DNAH5: variants seen among roughly 807,000 people sequenced by gnomAD.
The protein encoded by DNAH5 is dynein axonemal heavy chain 5, also known as axonemal beta dynein heavy chain 5.
A neutral mutation model predicts 518.2 loss-of-function variants in DNAH5; 372 were observed. The observed-to-expected ratio is 0.72, with a 90% confidence interval of 0.66 to 0.78. DNAH5 has a LOEUF of 0.78. Among genes scored for constraint, DNAH5 ranks in the 30% least tolerant of loss-of-function variants. DNAH5 has a pLI of 0.00. For missense variants in DNAH5, 5,523 were observed against 5,687.0 expected (o/e 0.97, Z 0.93); for synonymous variants, 2,039 against 2,025.9 (o/e 1.01, Z -0.17).
rs186180802 is a variant in DNAH5, at chr5:13,762,774, G to A, written c.10229C>T (p.Thr3410Met). ...AGAAAAGAAGGAAGCCATAGCTTTC[G>A]TCCAGGAACAAAGACCAGCTACATT... ...CGNVAGLCSW[T>M]KAMASFFSIN... Residue 3410 changes from threonine (T) to methionine (M), a missense_variant, in exon 60 of 79, where the codon ACG (threonine) becomes ATG (methionine). Physicochemically the swap from Thr to Met is moderately conservative, Grantham distance 81. Around this residue, in one of 3 missense-constraint regions of DNAH5, gnomAD observed 5,121 missense variants for 5,223.3 expected, o/e 0.98. Transcript: ENST00000265104. The A allele has an allele frequency of 7.0e-5, 113 of 1,614,112 alleles. No homozygotes were observed. Among genetic ancestry groups the A allele is most frequent in the South Asian group, 1.3e-4 (12 of 91,080 alleles).
At chr5:13,779,992 G>A (rs535506001) in intron 53 of DNAH5, among the ~76,000 whole-genome samples, 1 of 152,174 alleles carries the variant, frequency 6.6e-6, no homozygotes, top group Admixed American at 6.5e-5. Context: ...TATTGCTCTG[G>A]GATGAAGTCT....
intron 60 of DNAH5, 40 bp from the exon 61 acceptor site, chr5:13,759,023 AC>A (rs1472224600): frequency 2.5e-6 from 4 of 1,613,004 alleles, no homozygotes; most frequent in Admixed American, 1.7e-5. Flanking sequence ...TGGGCAGCCA[AC>A]CTCAAAACAT....
intron 73 of DNAH5, 148 bp from the exon 74 acceptor site, chr5:13,716,838 T>TA (rs1744350379): frequency 1.4e-6 from 1 of 705,176 alleles, no homozygotes; most frequent in African/African-American, 1.8e-5. Context: ...GAAAGAAAAG[T>TA]AAAAAGGTAA....
rs752204434 is a variant in DNAH5 at position 13,876,660 on chromosome 5, G to A, written c.3396+24C>T. 108 of 1,609,940 alleles carry A rather than the reference G, an allele frequency of 6.7e-5. 5 individuals are homozygous for A. The South Asian group carries it at 7.1e-4, about 11-fold the overall frequency. Reference sequence around the variant, plus strand: ...GTGCATGTTGCAAAGCAAAAGGTCCGGCTGCCAGACCCTCTTGACATACCT... The same window carrying A: ...GTGCATGTTGCAAAGCAAAAGGTCCAGCTGCCAGACCCTCTTGACATACCT... On this transcript the variant is annotated intron_variant, in intron 22 of 78. Coordinates refer to ENST00000265104, the MANE Select transcript of DNAH5 (RefSeq NM_001369.3).
At chr5:13,808,735 G>A (rs972642808) in intron 46 of DNAH5, among the ~76,000 whole-genome samples, 4 of 151,974 alleles carry the variant, frequency 2.6e-5, no homozygotes, top group South Asian at 2.1e-4. Flanking sequence ...CGAGGCGGGC[G>A]GATCACGAGG....
intron 11 of DNAH5, 51 bp from the exon 12 acceptor site, chr5:13,911,544 C>T (rs764715014): frequency 7.2e-7 from 1 of 1,386,558 alleles, no homozygotes; most frequent in East Asian, 2.4e-5. Flanking sequence ...CTTATATTAC[C>T]TAACTAAATA....
intron 1 of DNAH5, among the ~76,000 whole-genome samples, chr5:13,961,089 G>T (rs1297876783): frequency 6.6e-6 from 1 of 152,108 alleles, no homozygotes; most frequent in Admixed American, 6.5e-5. Context: ...CTTTGAGTCA[G>T]GAAAGGCAGG....
intron 53 of DNAH5, among the ~76,000 whole-genome samples, chr5:13,777,727 T>C (rs965307725): frequency 3.9e-5 from 6 of 152,222 alleles, no homozygotes; most frequent in African/African-American, 7.2e-5. Flanking sequence ...TGACAACTCA[T>C]AAATTAAACT....
intron 2 of DNAH5, among the ~76,000 whole-genome samples, chr5:13,929,290 T>C (rs1778188891): frequency 6.6e-6 from 1 of 152,156 alleles, no homozygotes; most frequent in African/African-American, 2.4e-5. Flanking sequence ...ATAGTCCAAT[T>C]CCTAGAGACA....
chr5:13,780,797 A>G, intron 53 of DNAH5, 32 bp downstream of exon 53: 6 of 1,612,174 alleles, frequency 3.7e-6, no homozygotes, highest in Non-Finnish European at 5.1e-6. Flanking sequence ...ATCAAAATCC[A>G]TGTTAGGTTT....
chr5:13,914,824 T>C (rs933821454), intron 9 of DNAH5, among the ~76,000 whole-genome samples, 182 bp from the exon 10 acceptor site: 2 of 152,122 alleles, frequency 1.3e-5, no homozygotes, highest in South Asian at 4.1e-4. Flanking sequence ...TCAAAATCAT[T>C]TGTGAAATCA....
chr5:13,906,174 G>T (rs564715881), intron 12 of DNAH5, among the ~76,000 whole-genome samples: 3 of 152,122 alleles, frequency 2.0e-5, no homozygotes, highest in African/African-American at 4.8e-5. Flanking sequence ...ATATTACCAC[G>T]GTCGATGCAT....
At chr5:13,787,416 G>A (rs1756230048) in intron 51 of DNAH5, among the ~76,000 whole-genome samples, 1 of 152,050 alleles carries the variant, frequency 6.6e-6, no homozygotes, top group African/African-American at 2.4e-5. Context: ...TAACATAATA[G>A]TATGTTAATC....
intron 16 of DNAH5, among the ~76,000 whole-genome samples, chr5:13,893,060 C>G (rs1009644098): frequency 6.6e-6 from 1 of 152,174 alleles, no homozygotes; most frequent in Admixed American, 6.6e-5. Flanking sequence ...CAGTACTTCT[C>G]AAATATTCTT....
At chr5:13,901,742 A>G (rs1774656090) in intron 13 of DNAH5, among the ~76,000 whole-genome samples, 169 bp from the exon 14 acceptor site, 1 of 152,192 alleles carries the variant, frequency 6.6e-6, no homozygotes, top group African/African-American at 2.4e-5. Flanking sequence ...AAACTCATCC[A>G]TAAAATGTAG....
At chr5:13,941,833 A>T (rs1413979078) in intron 1 of DNAH5, among the ~76,000 whole-genome samples, 1 of 152,260 alleles carries the variant, frequency 6.6e-6, no homozygotes, top group Non-Finnish European at 1.5e-5. Flanking sequence ...AGTGGGGAGA[A>T]GACTTTTCTC....
At chr5:13,824,413 A>G in intron 38 of DNAH5, 80 bp from the exon 39 acceptor site, 1 of 1,345,540 alleles carries the variant, frequency 7.4e-7, no homozygotes, top group South Asian at 1.2e-5. Flanking sequence ...CAGAAATTAT[A>G]TTCACAATAA....
chr5:13,952,333 A>AT (rs1560998676), intron 1 of DNAH5, among the ~76,000 whole-genome samples: 1 of 152,234 alleles, frequency 6.6e-6, no homozygotes, highest in Non-Finnish European at 1.5e-5. Context: ...GAGCAAATCC[A>AT]TTTTTTTAAA....
At chr5:13,725,633 C>T (rs1745618063) in intron 70 of DNAH5, among the ~76,000 whole-genome samples, 1 of 152,162 alleles carries the variant, frequency 6.6e-6, no homozygotes, top group African/African-American at 2.4e-5. Flanking sequence ...AAATAACCTG[C>T]ACACCTGTGC....
Sources: allele counts gnomAD v4.1 joint callset (sites outside exome capture counted in the v4.1 genomes callset), GRCh38; gene constraint gnomAD v4.1.1; regional missense constraint gnomAD v4.1.1; transcripts MANE v1.5; gene names NCBI Gene and HGNC (gene_info 2026-07-23, HGNC 2026-07-21).